VPS13B: variants seen among roughly 807,000 people sequenced by gnomAD.
VPS13B encodes intermembrane lipid transfer protein VPS13B.
VPS13B carries 285 observed loss-of-function variants against 426.4 expected under a neutral mutation model. That is an observed-to-expected ratio of 0.67 (90% confidence interval 0.61 to 0.74). The LOEUF (loss-of-function observed/expected upper bound fraction) is 0.74, where lower values mean the gene tolerates loss of function less well. Ranked by LOEUF, VPS13B falls within the 30% of genes least tolerant of loss-of-function variation. VPS13B has a pLI of 0.00. For synonymous variants in VPS13B, 1,676 were observed against 1,676.4 expected (o/e 1.00, Z 0.01); for missense variants, 4,537 against 4,782.6 (o/e 0.95, Z 1.51).
intron 2 of VPS13B, among the ~76,000 whole-genome samples, chr8:99,022,733 G>T (rs1177518684): frequency 6.6e-6 from 1 of 151,908 alleles, no homozygotes; most frequent in Non-Finnish European, 1.5e-5. Context: ...TTGTGAATTT[G>T]TGTATTTCTC....
chr8:99,173,853 C>G (rs921917926), intron 16 of VPS13B, among the ~76,000 whole-genome samples: 3 of 152,226 alleles, frequency 2.0e-5, no homozygotes, highest in Non-Finnish European at 4.4e-5. Flanking sequence ...ATCAGTGCCT[C>G]AATTTGATCC....
intron 19 of VPS13B, among the ~76,000 whole-genome samples, chr8:99,275,484 G>A (rs184368668): frequency 3.2e-4 from 49 of 152,080 alleles, no homozygotes; most frequent in African/African-American, 1.1e-3. Flanking sequence ...TTAGCTGTGT[G>A]TATAGTGGTT....
intron 55 of VPS13B, among the ~76,000 whole-genome samples, chr8:99,852,208 G>A (rs552995628): frequency 1.3e-5 from 2 of 152,366 alleles, no homozygotes; most frequent in South Asian, 4.1e-4. Context: ...GAAAGATCAA[G>A]AGATTGGTTA....
intron 61 of VPS13B, chr8:99,873,062 G>A (rs552576870): frequency 1.6e-4 from 24 of 152,240 alleles, no homozygotes; most frequent in East Asian, 1.3e-3. Context: ...GTAAAGCAGC[G>A]GTGATTTGGC....
intron 19 of VPS13B, chr8:99,345,977 CT>C (rs1441587334): frequency 6.5e-6 from 1 of 153,282 alleles, no homozygotes; most frequent in Non-Finnish European, 1.5e-5. Context: ...AGGAACTACA[CT>C]TGTGGCACCT....
chr8:99,683,103 C>A (rs1331348744), intron 35 of VPS13B, among the ~76,000 whole-genome samples: 1 of 151,942 alleles, frequency 6.6e-6, no homozygotes, highest in South Asian at 2.1e-4. Flanking sequence ...TATTCAACAC[C>A]ATCTGTAAAC....
intron 33 of VPS13B, among the ~76,000 whole-genome samples, chr8:99,602,717 C>T (rs1404294634): frequency 6.7e-3 from 909 of 135,464 alleles, no homozygotes; most frequent in South Asian, 0.012. Context: ...GCAAAAATCA[C>T]AAGCATTCCT....
intron 50 of VPS13B, among the ~76,000 whole-genome samples, chr8:99,823,042 G>C (rs1162113967): frequency 1.3e-5 from 2 of 152,110 alleles, no homozygotes; most frequent in Non-Finnish European, 2.9e-5. Flanking sequence ...AACTAGATGG[G>C]TATGTTTAAG....
intron 2 of VPS13B, among the ~76,000 whole-genome samples, chr8:99,033,519 A>C (rs1237000649): frequency 1.3e-5 from 2 of 152,106 alleles, no homozygotes; most frequent in East Asian, 3.8e-4. Flanking sequence ...TCAACTCCAA[A>C]ATTTTCATTT....
intron 6 of VPS13B, among the ~76,000 whole-genome samples, chr8:99,114,841 CCTT>C (rs1282266933): frequency 6.6e-6 from 1 of 152,110 alleles, no homozygotes; most frequent in Non-Finnish European, 1.5e-5. Flanking sequence ...TCAAAATAAA[CCTT>C]CTAAGAGACT....
rs553937356 is a variant in VPS13B, at chr8:99,162,025, C to T, written c.2208+5282C>T. Among the ~76,000 whole-genome samples the T allele has an allele frequency of 8.5e-5, 13 of 152,196 alleles. No individual in the cohort carries two copies. The South Asian group carries it at 1.9e-3, about 22-fold the overall frequency. On this transcript the variant is annotated intron_variant, in intron 15 of 61. Transcript: ENST00000357162. ...CTGGGATTACAGGTGTGAGCCACTG[C>T]GTCCGGCCAAGAATACTAAATACTT...
Position 99,455,617 on chromosome 8 carries a change from T to G in VPS13B, c.3446-11797T>G, listed in dbSNP as rs979467687. On this transcript the variant is annotated intron_variant, in intron 23 of 61. Coordinates refer to ENST00000357162, the MANE Select transcript of VPS13B (RefSeq NM_152564.5). ...TCCCAAAAGTTTTCTTGTGTCCATT[T>G]GTAGTTGATCCCTGCTCCTACCTAC... Among the ~76,000 whole-genome samples the G allele has an allele frequency of 7.9e-5, 12 of 152,304 alleles. No individual in the cohort carries two copies. The South Asian group carries it at 8.3e-4, about 11-fold the overall frequency.
rs573308865 is a variant in VPS13B at position 99,629,426 on chromosome 8, A to G, written c.5221-12385A>G. Among the ~76,000 whole-genome samples, 3 of 152,300 alleles carry G rather than the reference A, an allele frequency of 2.0e-5. No individual in the cohort carries two copies. The South Asian group carries it at 6.2e-4, about 32-fold the overall frequency. The stretch of plus-strand genomic sequence containing the variant: ...CTCTTGGACTCAAGAAGCTTACAAT[A>G]TAGAGTGTAAGGATTAAAAGAAAAT... On this transcript the variant is annotated intron_variant, in intron 33 of 61. Transcript: ENST00000357162.
intron 19 of VPS13B, among the ~76,000 whole-genome samples, chr8:99,366,938 G>A (rs1812924312): frequency 6.6e-6 from 1 of 151,978 alleles, no homozygotes; most frequent in Admixed American, 6.6e-5. Context: ...TTTTTTCTAT[G>A]TATATCTTAT....
intron 30 of VPS13B, among the ~76,000 whole-genome samples, chr8:99,539,920 C>G (rs1277878566): frequency 7.0e-6 from 1 of 142,170 alleles, no homozygotes; most frequent in Non-Finnish European, 1.5e-5. Context: ...TATATATACA[C>G]ACATATTTAT....
At chr8:99,046,491 C>T (rs1409976212) in intron 3 of VPS13B, among the ~76,000 whole-genome samples, 1 of 152,004 alleles carries the variant, frequency 6.6e-6, no homozygotes. Flanking sequence ...ATATCATCAA[C>T]AAACAGTGAC....
chr8:99,615,028 A>G (rs113802064), intron 33 of VPS13B, among the ~76,000 whole-genome samples: 4,373 of 151,676 alleles, frequency 0.029, 227 homozygotes, highest in African/African-American at 0.1. Context: ...GAGGCTGGAG[A>G]ATCACTTGAA....
intron 33 of VPS13B, among the ~76,000 whole-genome samples, chr8:99,620,709 C>T (rs1563828848): frequency 1.3e-5 from 2 of 151,632 alleles, no homozygotes; most frequent in Admixed American, 6.6e-5. Flanking sequence ...CAGTGGCTTA[C>T]ACCTGTAATC....
intron 19 of VPS13B, among the ~76,000 whole-genome samples, chr8:99,344,692 T>C (rs1350655446): frequency 6.6e-6 from 1 of 152,306 alleles, no homozygotes; most frequent in East Asian, 1.9e-4. Flanking sequence ...TGAACTTTTT[T>C]TTCAGGTTAC....
Sources: gnomAD v4.1 joint callset for allele counts (sites outside exome capture counted in the v4.1 genomes callset) on GRCh38, gnomAD v4.1.1 for gene constraint, MANE v1.5 for transcripts, NCBI Gene and HGNC (gene_info 2026-07-23, HGNC 2026-07-21) for gene names.